The following EDN1 variants were observed in gnomAD, a reference collection of about 807,000 sequenced individuals.
EDN1 encodes endothelin-1.
In EDN1, 11 loss-of-function variants were observed where a neutral mutation model predicts 21.7. The ratio of observed to expected loss-of-function variants is 0.51; its 90% CI spans 0.32 to 0.84. EDN1 has a LOEUF of 0.84. Among genes scored for constraint, EDN1 ranks in the 40% least tolerant of loss-of-function variants. The probability of loss-of-function intolerance (pLI) is 0.03; values close to 1 mark genes in which losing one functional copy is unlikely to be tolerated. For missense variants in EDN1, 244 were observed against 262.3 expected (o/e 0.93, Z 0.48); for synonymous variants, 85 against 90.6 (o/e 0.94, Z 0.35).
chr6:12,242,414 G>A, the EDN1 span, among the ~76,000 whole-genome samples: 2 of 152,258 alleles, frequency 1.3e-5, no homozygotes, highest in African/African-American at 2.4e-5. Context: ...CCAACTGCTT[G>A]AGCTCCAATT....
In EDN1 at chr6:12,292,547, T is replaced by A. The variant is rs753431993; in HGVS notation, c.233+38T>A. ...AGGGCATTGTAACCCTAGTCATTCA[T>A]TAGCGCTGGCTCCACTGGAGCCCAG... On this transcript the variant is annotated intron_variant, in intron 2 of 4. Coordinates refer to ENST00000379375, the MANE Select transcript of EDN1 (RefSeq NM_001955.5). 3.8e-5 allele frequency: 61 copies of A among 1,612,886 alleles called. 1 individual carries two copies. The East Asian group carries it at 1.3e-3, about 35-fold the overall frequency.
At chr6:12,269,228 T>C in the EDN1 span, among the ~76,000 whole-genome samples, 3 of 152,290 alleles carry the variant, frequency 2.0e-5, no homozygotes, top group South Asian at 4.1e-4. Context: ...AAAAGTTTTT[T>C]GGATAGAGTC....
the EDN1 span, among the ~76,000 whole-genome samples, chr6:12,276,886 A>C: frequency 6.6e-6 from 1 of 152,238 alleles, no homozygotes; most frequent in African/African-American, 2.4e-5. Context: ...AAATAGAATT[A>C]GTTTTGCATT....
Position 12,294,017 on chromosome 6 carries a change from G to C in EDN1, c.310G>C (p.Asp104His). ...LENLLPTKAT[D>H]RENRCQCASQ... ...GAATTTACTTCCCACAAAGGCAACA[G>C]ACCGTGAAAATAGATGCCAATGTGC... The change falls in exon 3 of 5, where the codon GAC becomes CAC. Residue 104 changes from aspartate to histidine, a missense_variant. Physicochemically the swap from Asp to His is moderately conservative, Grantham distance 81. Coordinates refer to ENST00000379375, the MANE Select transcript of EDN1 (RefSeq NM_001955.5). 1 of 1,614,218 alleles carries C rather than the reference G, an allele frequency of 6.2e-7. No homozygotes were observed. Among genetic ancestry groups the C allele is most frequent in the Non-Finnish European group, 8.5e-7 (1 of 1,180,038 alleles).
the EDN1 span, among the ~76,000 whole-genome samples, chr6:12,284,217 A>G: frequency 9.6e-3 from 1,462 of 152,328 alleles, 17 homozygotes; most frequent in Non-Finnish European, 0.014. Context: ...GATTTCTTAC[A>G]TGAAAACAAA....
the EDN1 span, among the ~76,000 whole-genome samples, chr6:12,283,522 T>G: frequency 6.6e-6 from 1 of 152,210 alleles, no homozygotes; most frequent in African/African-American, 2.4e-5. Flanking sequence ...TCTGAACCTT[T>G]TAATGGCGAC....
At chr6:12,248,454 A>G in the EDN1 span, among the ~76,000 whole-genome samples, 264 of 152,304 alleles carry the variant, frequency 1.7e-3, no homozygotes, top group Non-Finnish European at 2.5e-3. Context: ...AGCTATCCTG[A>G]AATTCATGAT....
chr6:12,258,449 C>CAAAAAAAAAAAA, the EDN1 span, among the ~76,000 whole-genome samples: 37 of 63,668 alleles, frequency 5.8e-4, 2 homozygotes, highest in African/African-American at 1.7e-3. Context: ...GATCATGTCT[C>CAAAAAAAAAAAA]AAAAAAAAAA....
chr6:12,247,794 C>T, the EDN1 span, among the ~76,000 whole-genome samples: 5 of 152,018 alleles, frequency 3.3e-5, no homozygotes, highest in African/African-American at 1.2e-4. Context: ...CTGCTTTTGC[C>T]TCCCAAAGTG....
At chr6:12,261,651 G>A in the EDN1 span, among the ~76,000 whole-genome samples, 1 of 152,198 alleles carries the variant, frequency 6.6e-6, no homozygotes, top group Non-Finnish European at 1.5e-5. Context: ...CTGAGGAAAG[G>A]CTGTGTGGGA....
the EDN1 span, among the ~76,000 whole-genome samples, chr6:12,247,592 G>A: frequency 3.4e-4 from 46 of 134,316 alleles, no homozygotes; most frequent in African/African-American, 1.3e-3. Flanking sequence ...AGGCTGGAGT[G>A]CAGTGGCGTG....
chr6:12,288,630 T>G (rs1353316297), upstream of EDN1, among the ~76,000 whole-genome samples: 2 of 152,166 alleles, frequency 1.3e-5, no homozygotes, highest in African/African-American at 4.8e-5. Flanking sequence ...CAACTCTTGC[T>G]TCAGTGGCTC....
the EDN1 span, among the ~76,000 whole-genome samples, chr6:12,234,664 G>A: frequency 2.0e-5 from 3 of 152,100 alleles, no homozygotes; most frequent in African/African-American, 7.2e-5. Flanking sequence ...GCTCTTTTGG[G>A]GCATTTTGGC....
chr6:12,236,132 C>T, the EDN1 span, among the ~76,000 whole-genome samples: 3 of 152,158 alleles, frequency 2.0e-5, no homozygotes, highest in African/African-American at 7.2e-5. Context: ...AAAGGAATCC[C>T]TATTTGATTC....
intron 2 of EDN1, 111 bp downstream of exon 2, chr6:12,292,620 C>A: frequency 1.6e-6 from 2 of 1,262,336 alleles, no homozygotes; most frequent in Non-Finnish European, 1.2e-6. Context: ...CTTCTAACAC[C>A]ATCCAAGTGC....
At chr6:12,230,993 T>C in the EDN1 span, among the ~76,000 whole-genome samples, 2 of 152,190 alleles carry the variant, frequency 1.3e-5, no homozygotes, top group African/African-American at 4.8e-5. Flanking sequence ...TATAATTCCT[T>C]GCATCTCCAG....
At chr6:12,246,800 C>T in the EDN1 span, among the ~76,000 whole-genome samples, 1 of 152,094 alleles carries the variant, frequency 6.6e-6, no homozygotes, top group African/African-American at 2.4e-5. Flanking sequence ...GTAACACTCT[C>T]ATCCGTTAGT....
the EDN1 span, among the ~76,000 whole-genome samples, chr6:12,246,651 CT>C: frequency 1.7e-4 from 26 of 149,506 alleles, no homozygotes; most frequent in African/African-American, 6.2e-4. Flanking sequence ...AATCGTTTGC[CT>C]TTTTTTTTCT....
chr6:12,292,380 G>A lies in EDN1; in HGVS notation c.104G>A (p.Gly35Asp). Residue 35 changes from glycine to aspartate, a missense_variant, in exon 2 of 5, where the codon GGC (glycine) becomes GAC (aspartate). Gly to Asp is a moderately conservative substitution (Grantham distance 94). Coordinates refer to ENST00000379375, the MANE Select transcript of EDN1 (RefSeq NM_001955.5). ...GAELSAVGEN[G>D]GEKPTPSPPW... The stretch of plus-strand genomic sequence containing the variant: ...GAGCTCAGCGCGGTGGGTGAGAACG[G>A]CGGGGAGAAACCCACTCCCAGTCCA... 1.2e-6 allele frequency: 2 copies of A among 1,613,950 alleles called. No individual in the cohort carries two copies. The highest frequency in any genetic ancestry group is 1.6e-4 in the Middle Eastern group (1 of 6,062).
Sources: gnomAD v4.1 joint callset for allele counts (sites outside exome capture counted in the v4.1 genomes callset) on GRCh38, gnomAD v4.1.1 for gene constraint, MANE v1.5 for transcripts, NCBI Gene and HGNC (gene_info 2026-07-23, HGNC 2026-07-21) for gene names.